ILKAP: variants seen among roughly 807,000 people sequenced by gnomAD.
ILKAP encodes the protein integrin-linked kinase-associated serine/threonine phosphatase 2C.
In ILKAP, 11 loss-of-function variants were observed where a neutral mutation model predicts 49.1. That is an observed-to-expected ratio of 0.22 (90% CI 0.14 to 0.37). The LOEUF is 0.37. Among genes scored for constraint, ILKAP ranks in the 10% least tolerant of loss-of-function variants. The pLI, the probability that ILKAP is intolerant of heterozygous loss-of-function variation, is 1.00. For synonymous variants in ILKAP, 186 were observed against 192.8 expected (o/e 0.96, Z 0.29); for missense variants, 363 against 510.8 (o/e 0.71, Z 2.79).
chr2:238,194,700 C>T (rs1449040141), intron 2 of ILKAP, 105 bp downstream of exon 2: 2 of 1,183,412 alleles, frequency 1.7e-6, no homozygotes, highest in Non-Finnish European at 2.5e-6. Context: ...ACACCTAAAA[C>T]ATCTGTGTGT....
intron 10 of ILKAP, among the ~76,000 whole-genome samples, chr2:238,173,112 G>A (rs1693298566): frequency 6.6e-6 from 1 of 152,132 alleles, no homozygotes; most frequent in Non-Finnish European, 1.5e-5. Flanking sequence ...CTGAGGGCCG[G>A]CCCTTCAGGA....
chr2:238,172,196 C>T (rs997506765), intron 10 of ILKAP, among the ~76,000 whole-genome samples: 2 of 152,014 alleles, frequency 1.3e-5, no homozygotes, highest in African/African-American at 2.4e-5. Flanking sequence ...GGATTACAGG[C>T]GCCCACCACC....
At position 238,173,847 on chromosome 2, in the gene ILKAP, T is replaced by C. The variant is rs570711947; in HGVS notation, c.837-194A>G. ...TAGGCCATTAACTGCTGCCCTGGGG[T>C]AGGGACCCTGCCCAGCTGCACATGG... is the stretch of plus-strand genomic sequence containing the variant. On this transcript the variant is annotated intron_variant, in intron 9 of 11. Transcript: ENST00000254654. 65 of 675,112 alleles carry C rather than the reference T, an allele frequency of 9.6e-5. 1 individual carries two copies. The Middle Eastern group carries it at 1.0e-3, about 10-fold the overall frequency. The allele number at this position is 675,112 out of a possible 1,614,324, so 41.8% of individuals were successfully genotyped here.
At chr2:238,181,508 T>G (rs1298489787) in intron 9 of ILKAP, among the ~76,000 whole-genome samples, 1 of 152,198 alleles carries the variant, frequency 6.6e-6, no homozygotes, top group African/African-American at 2.4e-5. Context: ...TGCCAGTTGT[T>G]CCCAAGAAGT....
rs907938915 is a variant in ILKAP, at chr2:238,200,528, T to C, written c.55+2971A>G. 7.2e-5 allele frequency among the ~76,000 whole-genome samples: 11 copies of C among 152,228 alleles called. 1 individual carries two copies. In the South Asian group the frequency reaches 1.9e-3, roughly 26 times the overall value. On this transcript the variant is annotated intron_variant, in intron 1 of 11. Coordinates refer to ENST00000254654, the MANE Select transcript of ILKAP (RefSeq NM_030768.3). ...GCGTTTTTCCACTTTTAAACAACTG[T>C]TAATGGCTCAGCCAGGCACAGTGGC...
intron 3 of ILKAP, among the ~76,000 whole-genome samples, chr2:238,193,703 A>G (rs1694236320): frequency 6.6e-6 from 1 of 152,180 alleles, no homozygotes; most frequent in East Asian, 1.9e-4. Flanking sequence ...CCTGCATACG[A>G]AATGGGATTA....
chr2:238,177,798 G>A (rs1038607174), intron 9 of ILKAP, among the ~76,000 whole-genome samples: 3 of 152,188 alleles, frequency 2.0e-5, no homozygotes, highest in South Asian at 4.1e-4. Context: ...GCAAATATCT[G>A]TTCGTGTCCC....
At chr2:238,198,638 C>T (rs901263565) in intron 1 of ILKAP, among the ~76,000 whole-genome samples, 1 of 152,118 alleles carries the variant, frequency 6.6e-6, no homozygotes, top group African/African-American at 2.4e-5. Context: ...GAGGCCCCTC[C>T]CCTAATCTTA....
intron 7 of ILKAP, 89 bp from the exon 8 acceptor site, chr2:238,183,829 A>G (rs1693792899): frequency 1.8e-6 from 2 of 1,086,342 alleles, no homozygotes; most frequent in Middle Eastern, 2.1e-4. Context: ...AGTATCTTAT[A>G]TTTCAAAATG....
intron 8 of ILKAP, 131 bp from the exon 9 acceptor site, chr2:238,182,317 T>G (rs797002965): frequency 2.7e-6 from 3 of 1,092,466 alleles, no homozygotes; most frequent in South Asian, 2.9e-5. Flanking sequence ...TTCAGCCTCC[T>G]GCTGATAAAC....
chr2:238,171,343 T>G (rs555453628), intron 10 of ILKAP, among the ~76,000 whole-genome samples: 1 of 152,038 alleles, frequency 6.6e-6, no homozygotes, highest in South Asian at 2.1e-4. Flanking sequence ...GTATTTTTAG[T>G]AGAGACAGGG....
intron 7 of ILKAP, 132 bp downstream of exon 7, chr2:238,183,888 G>C (rs752717590): frequency 1.6e-5 from 15 of 943,470 alleles, no homozygotes; most frequent in Non-Finnish European, 2.5e-5. Flanking sequence ...TTTAGCTAAC[G>C]GTTATAAAAG....
intron 10 of ILKAP, among the ~76,000 whole-genome samples, chr2:238,171,666 T>A (rs866948003): frequency 6.6e-6 from 1 of 152,210 alleles, no homozygotes; most frequent in Non-Finnish European, 1.5e-5. Flanking sequence ...ATGGGTGTTA[T>A]GGTAAATATA....
intron 1 of ILKAP, among the ~76,000 whole-genome samples, chr2:238,200,113 T>C (rs1473133412): frequency 6.6e-6 from 1 of 152,244 alleles, no homozygotes; most frequent in Non-Finnish European, 1.5e-5. Flanking sequence ...GGATTGTCAA[T>C]ATAAGCTGCC....
chr2:238,184,471 G>T lies in ILKAP; in HGVS notation c.533-358C>A, dbSNP rs117795814. 1.1e-3 allele frequency among the ~76,000 whole-genome samples: 167 copies of T among 152,234 alleles called. 1 individual carries two copies. The East Asian group carries it at 0.031, about 28-fold the overall frequency. ...CCAAATGCTGGGATTACAGGCGTGG[G>T]TCACCAGGGCTGGCCATTTTGTTTT... On this transcript the variant is annotated intron_variant, in intron 6 of 11. Coordinates refer to ENST00000254654, the MANE Select transcript of ILKAP (RefSeq NM_030768.3).
chr2:238,188,303 C>T (rs972161326), intron 4 of ILKAP, 46 bp from the exon 5 acceptor site: 3 of 1,594,590 alleles, frequency 1.9e-6, no homozygotes, highest in African/African-American at 2.7e-5. Flanking sequence ...TGTGCCCAAC[C>T]CTCTGGAAAC....
intron 1 of ILKAP, among the ~76,000 whole-genome samples, chr2:238,200,160 T>C (rs1694511268): frequency 6.6e-6 from 1 of 152,178 alleles, no homozygotes; most frequent in Admixed American, 6.6e-5. Context: ...TTTATGGGTA[T>C]GACATAGGAA....
chr2:238,186,122 T>C (rs1043343373), intron 5 of ILKAP: 3 of 152,218 alleles, frequency 2.0e-5, no homozygotes, highest in Non-Finnish European at 4.4e-5. Context: ...AAATGCATTG[T>C]TAGGTGACTT....
chr2:238,195,821 T>C (rs1365995755), intron 1 of ILKAP, among the ~76,000 whole-genome samples: 1 of 151,972 alleles, frequency 6.6e-6, no homozygotes, highest in African/African-American at 2.4e-5. Flanking sequence ...GGTGGGAGGA[T>C]TGCTTGAGTC....
Sources: gnomAD v4.1 joint callset for allele counts (sites outside exome capture counted in the v4.1 genomes callset) on GRCh38, gnomAD v4.1.1 for gene constraint, MANE v1.5 for transcripts, NCBI Gene and HGNC (gene_info 2026-07-23, HGNC 2026-07-21) for gene names.